The following RGS22 variants were observed in gnomAD, a reference collection of about 807,000 sequenced individuals.
RGS22 encodes the protein regulator of G-protein signaling 22.
A neutral mutation model predicts 172.9 loss-of-function variants in RGS22; 148 were observed. That is an observed-to-expected ratio of 0.86 (90% CI 0.75 to 0.98). The LOEUF (loss-of-function observed/expected upper bound fraction) is 0.98. RGS22 is among the 50% of genes least tolerant of loss of function. The pLI, the probability that RGS22 is intolerant of heterozygous loss-of-function variation, is 0.00. For missense variants in RGS22, 1,347 were observed against 1,440.8 expected, an observed-to-expected ratio of 0.93 and a Z score of 1.05; for synonymous variants, 458 against 480.2, an observed-to-expected ratio of 0.95 and a Z score of 0.60.
At chr8:100,090,187 G>A (rs141041078) in intron 3 of RGS22, among the ~76,000 whole-genome samples, 4 of 152,112 alleles carry the variant, frequency 2.6e-5, no homozygotes, top group Non-Finnish European at 5.9e-5. Context: ...TAATAATTTT[G>A]TAAGATAGTC....
At chr8:100,027,309 C>G (rs1818287714) in intron 14 of RGS22, among the ~76,000 whole-genome samples, 1 of 152,126 alleles carries the variant, frequency 6.6e-6, no homozygotes, top group Non-Finnish European at 1.5e-5. Context: ...CTCCTTCCCC[C>G]ACTAGAGAGT....
chr8:100,080,204 T>A lies in RGS22; in HGVS notation c.269A>T (p.Asn90Ile). The change falls in exon 4 of 28, where the codon AAT (asparagine) becomes ATT (isoleucine). Residue 90 changes from asparagine to isoleucine, a missense_variant. By Grantham distance (149) the Asn-to-Ile change is moderately radical. Transcript: ENST00000360863. ...PIYDVVRKGKNEVKPVQMNAP... is the reference protein window; with the variant it reads ...PIYDVVRKGKIEVKPVQMNAP... ...ATTCATTTGAACAGGTTTAACCTCA[T>A]TCTTTCCTTTCCTTACAACATCATA... is the stretch of plus-strand genomic sequence containing the variant. 6.2e-7 allele frequency: 1 copy of A among 1,613,914 alleles called. No individual in the cohort carries two copies. The highest frequency in any genetic ancestry group is 8.5e-7 in the Non-Finnish European group (1 of 1,179,808).
At chr8:99,964,365 G>T (rs1328207026) in intron 24 of RGS22, among the ~76,000 whole-genome samples, 1 of 150,924 alleles carries the variant, frequency 6.6e-6, no homozygotes, top group East Asian at 2.0e-4. Flanking sequence ...GAAGTGGGAG[G>T]ATTCCTTGAG....
chr8:100,024,653 A>T (rs1347844681), intron 14 of RGS22, among the ~76,000 whole-genome samples: 2 of 152,224 alleles, frequency 1.3e-5, no homozygotes, highest in African/African-American at 2.4e-5. Context: ...ACAAGGTGAT[A>T]AACAGATACT....
intron 14 of RGS22, among the ~76,000 whole-genome samples, chr8:100,016,261 C>T (rs528811004): frequency 3.9e-5 from 6 of 152,224 alleles, no homozygotes; most frequent in South Asian, 2.1e-4. Flanking sequence ...CTTGGGTTGA[C>T]GCTTCATAGA....
At chr8:100,038,691 A>G (rs1353351746) in intron 14 of RGS22, 1 of 339,150 alleles carries the variant, frequency 2.9e-6, no homozygotes, top group Non-Finnish European at 5.3e-6. Context: ...TCTTTATCAG[A>G]AGAACAAGTA....
At chr8:99,990,163 T>G (rs1181986350) in intron 20 of RGS22, among the ~76,000 whole-genome samples, 2 of 152,104 alleles carry the variant, frequency 1.3e-5, no homozygotes, top group Admixed American at 6.6e-5. Context: ...AGCTCCTTAT[T>G]CAGGAGGCGA....
At chr8:100,049,524 C>T (rs1171146681) in intron 10 of RGS22, among the ~76,000 whole-genome samples, 2 of 152,186 alleles carry the variant, frequency 1.3e-5, no homozygotes, top group Non-Finnish European at 2.9e-5. Context: ...ACTCCTTTGG[C>T]ATTGTTCTCT....
intron 12 of RGS22, 41 bp from the exon 13 acceptor site, chr8:100,040,128 T>C (rs750656545): frequency 4.4e-6 from 7 of 1,575,172 alleles, no homozygotes; most frequent in South Asian, 2.4e-5. Context: ...CCCAAAAACA[T>C]TGTAATTTTT....
At chr8:100,091,244 T>C (rs1446411838) in intron 3 of RGS22, among the ~76,000 whole-genome samples, 1 of 148,616 alleles carries the variant, frequency 6.7e-6, no homozygotes, top group African/African-American at 2.5e-5. Flanking sequence ...GAAGAATGGG[T>C]AATTAATTGG....
intron 27 of RGS22, among the ~76,000 whole-genome samples, chr8:99,961,962 A>G (rs1229128916): frequency 1.3e-5 from 2 of 152,224 alleles, no homozygotes; most frequent in African/African-American, 4.8e-5. Flanking sequence ...CTACATTACT[A>G]GACTACTTTG....
At chr8:99,973,703 A>C (rs1486562695) in intron 23 of RGS22, among the ~76,000 whole-genome samples, 1 of 152,026 alleles carries the variant, frequency 6.6e-6, no homozygotes, top group Non-Finnish European at 1.5e-5. Context: ...CCCCGTTTCT[A>C]CTAAAAATCC....
intron 22 of RGS22, among the ~76,000 whole-genome samples, chr8:99,979,944 A>G (rs926698759): frequency 2.0e-5 from 3 of 152,204 alleles, no homozygotes; most frequent in African/African-American, 7.2e-5. Flanking sequence ...CAAAAAGCTC[A>G]GGAGAGAAAG....
chr8:99,996,654 A>G, intron 19 of RGS22, 124 bp from the exon 20 acceptor site: 1 of 826,502 alleles, frequency 1.2e-6, no homozygotes, highest in Non-Finnish European at 1.9e-6. Context: ...GAAGTTTAGG[A>G]GAAAGAGGAT....
At chr8:100,090,591 GT>G (rs1812501897) in intron 3 of RGS22, among the ~76,000 whole-genome samples, 1 of 152,098 alleles carries the variant, frequency 6.6e-6, no homozygotes, top group Non-Finnish European at 1.5e-5. Context: ...TAATGATAAG[GT>G]CTTTGGAGAC....
In RGS22 at chr8:100,080,303, G is replaced by T. The variant is rs773471291; in HGVS notation, c.170C>A (p.Ala57Asp). The T allele has an allele frequency of 1.2e-6, 2 of 1,613,610 alleles. No homozygotes were observed. Among genetic ancestry groups the T allele is most frequent in the Non-Finnish European group, 1.7e-6 (2 of 1,179,770 alleles). ...TTCCAGAAATTGTGGAGCATCATTAGCTACTTCAAAAACTCCATAATCTGC... is the reference window on the plus strand; with the variant it reads ...TTCCAGAAATTGTGGAGCATCATTATCTACTTCAAAAACTCCATAATCTGC... ...FNADYGVFEV[A>D]NDAPQFLEKQ... Residue 57 changes from alanine (A) to aspartate (D), a missense_variant, in exon 4 of 28, where the codon GCT (alanine) becomes GAT (aspartate). Coordinates refer to ENST00000360863, the MANE Select transcript of RGS22 (RefSeq NM_015668.5).
chr8:100,008,892 T>G (rs550928309), intron 14 of RGS22, among the ~76,000 whole-genome samples: 10 of 152,272 alleles, frequency 6.6e-5, no homozygotes, highest in African/African-American at 2.2e-4. Flanking sequence ...ACAACATTTC[T>G]AAAACACTTG....
Position 99,999,338 on chromosome 8 carries a change from A to T in RGS22, c.2873T>A (p.Val958Glu). The T allele has an allele frequency of 6.2e-7, 1 of 1,614,006 alleles. No individual in the cohort carries two copies. Among genetic ancestry groups the T allele is most frequent in the South Asian group, 1.1e-5 (1 of 91,062 alleles). ...APVLVEIQKHVQNRLENVWLP... is the reference protein window; with the variant it reads ...APVLVEIQKHEQNRLENVWLP... ...CCATACATTTTCTAGCCTATTTTGC[A>T]CATGCTTCTGGATTTCAACTAGAAC... is the stretch of plus-strand genomic sequence containing the variant. Residue 958 changes from valine (V) to glutamate (E), a missense_variant, in exon 19 of 28, where the codon GTG becomes GAG. Coordinates refer to ENST00000360863, the MANE Select transcript of RGS22 (RefSeq NM_015668.5).
At chr8:100,089,265 C>G (rs1016062301) in intron 3 of RGS22, among the ~76,000 whole-genome samples, 3 of 151,750 alleles carry the variant, frequency 2.0e-5, no homozygotes, top group African/African-American at 7.3e-5. Flanking sequence ...TTTCTAACCT[C>G]TACTTGAATA....
Sources: gnomAD v4.1 joint callset for allele counts (sites outside exome capture counted in the v4.1 genomes callset) on GRCh38, gnomAD v4.1.1 for gene constraint, MANE v1.5 for transcripts, NCBI Gene and HGNC (gene_info 2026-07-23, HGNC 2026-07-21) for gene names.